The following ZRANB3 variants were observed in gnomAD, a reference collection of about 807,000 sequenced individuals.
The protein encoded by ZRANB3 is DNA annealing helicase and endonuclease ZRANB3.
ZRANB3 carries 125 observed loss-of-function variants against 133.8 expected under a neutral mutation model. The observed-to-expected ratio is 0.93, with a 90% CI of 0.81 to 1.08. The LOEUF (loss-of-function observed/expected upper bound fraction) is 1.08, where lower values mean the gene tolerates loss of function less well. ZRANB3 is among the 50% of genes least tolerant of loss of function. The pLI is 0.00. For missense variants in ZRANB3, 1,229 were observed against 1,275.5 expected (o/e 0.96, Z 0.56); for synonymous variants, 387 against 432.7 (o/e 0.89, Z 1.31).
intron 6 of ZRANB3, among the ~76,000 whole-genome samples, chr2:135,330,503 T>C (rs190100259): frequency 6.6e-5 from 10 of 152,286 alleles, no homozygotes; most frequent in Non-Finnish European, 1.5e-5. Context: ...GGGATATTCA[T>C]CTAAAATTCT....
chr2:135,399,006 A>G (rs1252977487), intron 2 of ZRANB3, among the ~76,000 whole-genome samples: 1 of 152,224 alleles, frequency 6.6e-6, no homozygotes, highest in Non-Finnish European at 1.5e-5. Context: ...TTTCACATCC[A>G]TAGTGTGACT....
At chr2:135,446,914 T>A (rs1390609144) in intron 2 of ZRANB3, among the ~76,000 whole-genome samples, 1 of 152,220 alleles carries the variant, frequency 6.6e-6, no homozygotes, top group Admixed American at 6.5e-5. Flanking sequence ...TAATGTTTAA[T>A]TTTCCTATTT....
chr2:135,404,524 T>A (rs1687910955), intron 2 of ZRANB3, among the ~76,000 whole-genome samples: 1 of 152,144 alleles, frequency 6.6e-6, no homozygotes, highest in Admixed American at 6.5e-5. Flanking sequence ...TGGAAAACAC[T>A]CTGCAGGATA....
intron 2 of ZRANB3, among the ~76,000 whole-genome samples, chr2:135,464,176 T>A (rs900475971): frequency 7.9e-5 from 12 of 152,208 alleles, no homozygotes; most frequent in African/African-American, 2.7e-4. Context: ...CAGAGGAACA[T>A]AGGCTTTTAT....
intron 6 of ZRANB3, among the ~76,000 whole-genome samples, chr2:135,342,317 C>G (rs1419219558): frequency 1.3e-5 from 2 of 149,874 alleles, no homozygotes; most frequent in Non-Finnish European, 2.9e-5. Context: ...GGATTATAGG[C>G]GTGAGCCACC....
intron 6 of ZRANB3, among the ~76,000 whole-genome samples, chr2:135,334,021 C>T (rs936469543): frequency 6.6e-6 from 1 of 152,126 alleles, no homozygotes; most frequent in African/African-American, 2.4e-5. Context: ...TGTATATTAT[C>T]CCTACCTAAC....
chr2:135,495,812 C>T (rs1692636261), intron 2 of ZRANB3, among the ~76,000 whole-genome samples: 1 of 152,138 alleles, frequency 6.6e-6, no homozygotes, highest in African/African-American at 2.4e-5. Flanking sequence ...TTTTTGAAAA[C>T]ACAGGGGTAT....
intron 2 of ZRANB3, among the ~76,000 whole-genome samples, chr2:135,495,875 A>G (rs1298781507): frequency 6.6e-6 from 1 of 152,168 alleles, no homozygotes; most frequent in Non-Finnish European, 1.5e-5. Flanking sequence ...ATATTTTATT[A>G]AATTAAATTA....
chr2:135,525,569 C>T (rs1363330487), intron 1 of ZRANB3, among the ~76,000 whole-genome samples: 1 of 152,084 alleles, frequency 6.6e-6, no homozygotes, highest in African/African-American at 2.4e-5. Context: ...AGGATTGGGC[C>T]GGGCACAATG....
chr2:135,433,616 C>T (rs1689408911), intron 2 of ZRANB3, among the ~76,000 whole-genome samples: 1 of 152,146 alleles, frequency 6.6e-6, no homozygotes, highest in Non-Finnish European at 1.5e-5. Flanking sequence ...CTTTGGGAGG[C>T]CGAGGCAGGC....
intron 3 of ZRANB3, among the ~76,000 whole-genome samples, chr2:135,376,855 G>A (rs536856708): frequency 6.6e-6 from 1 of 152,298 alleles, no homozygotes; most frequent in South Asian, 2.1e-4. Context: ...AATAACCGAG[G>A]AGGGCAAAGA....
intron 2 of ZRANB3, among the ~76,000 whole-genome samples, chr2:135,411,502 T>G (rs895631186): frequency 6.6e-6 from 1 of 152,110 alleles, no homozygotes; most frequent in Admixed American, 6.6e-5. Flanking sequence ...AATAGCAAAG[T>G]CATGGAATCA....
chr2:135,454,366 T>C (rs1690401531), intron 2 of ZRANB3, among the ~76,000 whole-genome samples: 2 of 152,216 alleles, frequency 1.3e-5, no homozygotes, highest in East Asian at 3.9e-4. Flanking sequence ...CTTTCACAAA[T>C]AGTGACCAGG....
chr2:135,311,849 T>C (rs1206104032), intron 8 of ZRANB3, among the ~76,000 whole-genome samples: 1 of 152,108 alleles, frequency 6.6e-6, no homozygotes, highest in African/African-American at 2.4e-5. Context: ...CCTGAATCAA[T>C]CTCAAAACCT....
chr2:135,476,767 G>A (rs1172535422), intron 2 of ZRANB3, among the ~76,000 whole-genome samples: 1 of 146,648 alleles, frequency 6.8e-6, no homozygotes, highest in African/African-American at 2.5e-5. Flanking sequence ...GCAGTGGCAT[G>A]ATCATGGCTC....
chr2:135,200,470 C>A (rs746351952), intron 20 of ZRANB3, 30 bp from the exon 21 acceptor site: 1 of 1,531,890 alleles, frequency 6.5e-7, no homozygotes, highest in Admixed American at 2.0e-5. Context: ...CATGTGTACA[C>A]GTTAGGAAAA....
At chr2:135,429,680 C>A (rs994149556) in intron 2 of ZRANB3, among the ~76,000 whole-genome samples, 2 of 151,674 alleles carry the variant, frequency 1.3e-5, no homozygotes, top group African/African-American at 4.8e-5. Context: ...ACAGAGAATG[C>A]CTAAAACTGG....
chr2:135,230,384 A>T, intron 13 of ZRANB3, 129 bp downstream of exon 13: 1 of 761,002 alleles, frequency 1.3e-6, no homozygotes, highest in Non-Finnish European at 1.9e-6. Context: ...AGAAGCTCTT[A>T]TTCCAATTTA....
At chr2:135,261,892 G>GC (rs1450139838) in intron 12 of ZRANB3, among the ~76,000 whole-genome samples, 22 of 152,106 alleles carry the variant, frequency 1.4e-4, no homozygotes, top group Non-Finnish European at 3.1e-4. Flanking sequence ...GGGCACAGTA[G>GC]CTCATACCTG....
Sources: allele counts gnomAD v4.1 joint callset (sites outside exome capture counted in the v4.1 genomes callset), GRCh38; gene constraint gnomAD v4.1.1; transcripts MANE v1.5; gene names NCBI Gene and HGNC (gene_info 2026-07-23, HGNC 2026-07-21).